YWHAE: variants seen among roughly 807,000 people sequenced by gnomAD.
YWHAE encodes 14-3-3 protein epsilon.
In YWHAE, 4 loss-of-function variants were observed where a neutral mutation model predicts 30.1. The observed-to-expected ratio is 0.13, with a 90% CI of 0.07 to 0.30. The LOEUF is 0.30. Among genes scored for constraint, YWHAE ranks in the 10% least tolerant of loss-of-function variants. The pLI is 1.00. For synonymous variants in YWHAE, 118 were observed against 111.8 expected (o/e 1.06, Z -0.35); for missense variants, 121 against 315.9 (o/e 0.38, Z 4.68).
At chr17:1,356,341 C>T (rs368643886) in intron 4 of YWHAE, among the ~76,000 whole-genome samples, 1 of 152,072 alleles carries the variant, frequency 6.6e-6, no homozygotes, top group Admixed American at 6.6e-5. Context: ...TGCACTCCAG[C>T]CTGGGCAAGA....
At chr17:1,395,539 C>G (rs551820498) in intron 1 of YWHAE, among the ~76,000 whole-genome samples, 2 of 152,090 alleles carry the variant, frequency 1.3e-5, no homozygotes, top group Non-Finnish European at 2.9e-5. Context: ...GGATTTTTAA[C>G]ACTACGTTAC....
chr17:1,345,534 T>A, intron 5 of YWHAE, 35 bp from the exon 6 acceptor site: 2 of 1,606,022 alleles, frequency 1.2e-6, no homozygotes, highest in Middle Eastern at 1.7e-4. Context: ...TTATTTCGTA[T>A]TGACTACATT....
At chr17:1,374,655 T>A (rs970427900) in intron 1 of YWHAE, among the ~76,000 whole-genome samples, 9 of 152,212 alleles carry the variant, frequency 5.9e-5, no homozygotes, top group African/African-American at 2.2e-4. Context: ...CTTTGTGGTT[T>A]TGATTTGCAT....
At chr17:1,363,830 C>T (rs1007035569) in intron 2 of YWHAE, among the ~76,000 whole-genome samples, 2 of 135,896 alleles carry the variant, frequency 1.5e-5, no homozygotes, top group Admixed American at 7.9e-5. Flanking sequence ...CTTCCCTGTT[C>T]TTTCCTGTAT....
chr17:1,345,307 A>G lies in YWHAE; in HGVS notation c.*140T>C, dbSNP rs954155692. ...AACTGTTTAAAAAAAAAAAAAAAAA[A>G]CCAACAGGGCAGGAACCTAAATTCT... is the stretch of plus-strand genomic sequence containing the variant. On this transcript the variant is annotated 3_prime_UTR_variant, in exon 6 of 6. Coordinates refer to ENST00000264335, the MANE Select transcript of YWHAE (RefSeq NM_006761.5). 1 of 791,358 alleles carries G rather than the reference A, an allele frequency of 1.3e-6. No homozygotes were observed. Among genetic ancestry groups the G allele is most frequent in the Non-Finnish European group, 2.0e-6 (1 of 501,718 alleles). 49.0% of individuals were successfully genotyped at this position (791,358 alleles called of 1,614,324 possible).
intron 1 of YWHAE, among the ~76,000 whole-genome samples, chr17:1,379,890 C>A (rs2073178839): frequency 6.6e-6 from 1 of 152,124 alleles, no homozygotes; most frequent in Non-Finnish European, 1.5e-5. Flanking sequence ...GGTGAAAGAA[C>A]CAGAATGCTG....
intron 4 of YWHAE, 132 bp from the exon 5 acceptor site, chr17:1,354,479 C>A: frequency 1.1e-6 from 1 of 904,632 alleles, no homozygotes; most frequent in South Asian, 1.8e-5. Flanking sequence ...AAAGAAAAAG[C>A]AAATACAATA....
intron 1 of YWHAE, among the ~76,000 whole-genome samples, chr17:1,393,907 C>T (rs1004005712): frequency 1.3e-5 from 2 of 152,040 alleles, no homozygotes; most frequent in African/African-American, 4.8e-5. Context: ...TGAAAAAAAC[C>T]ATCAGGTTTC....
intron 4 of YWHAE, among the ~76,000 whole-genome samples, chr17:1,358,009 C>G (rs573816811): frequency 6.6e-6 from 1 of 151,776 alleles, no homozygotes; most frequent in African/African-American, 2.4e-5. Flanking sequence ...GGAGAAAATA[C>G]TCACAAACCA....
At chr17:1,351,848 C>A (rs1051402324) in intron 5 of YWHAE, among the ~76,000 whole-genome samples, 4 of 152,010 alleles carry the variant, frequency 2.6e-5, no homozygotes, top group Admixed American at 6.6e-5. Context: ...TGCAGTGGGG[C>A]GTGATCTCAG....
chr17:1,363,303 C>G (rs1300627724), intron 2 of YWHAE, among the ~76,000 whole-genome samples: 1 of 152,062 alleles, frequency 6.6e-6, no homozygotes, highest in Non-Finnish European at 1.5e-5. Context: ...CTCTTGTTGC[C>G]AAGGCTGGAT....
chr17:1,380,825 T>C (rs138568855), intron 1 of YWHAE, among the ~76,000 whole-genome samples: 2 of 152,292 alleles, frequency 1.3e-5, no homozygotes, highest in Non-Finnish European at 2.9e-5. Flanking sequence ...CCAAAGAACC[T>C]CACTCTCCCA....
Position 1,359,152 on chromosome 17 carries a change from A to G in YWHAE, c.578+1940T>C, listed in dbSNP as rs902108950. Among the ~76,000 whole-genome samples, 35 of 148,588 alleles carry G rather than the reference A, an allele frequency of 2.4e-4. 1 individual carries two copies. Among genetic ancestry groups the G allele is most frequent in the African/African-American group, 8.2e-4 (33 of 40,424 alleles). The stretch of plus-strand genomic sequence containing the variant: ...CTCTCCCTCAAAAAAAAGAAAAAAG[A>G]AAAAAAAAAGGAAAAGAAAAGGCCA... On this transcript the variant is annotated intron_variant, in intron 4 of 5. Coordinates refer to ENST00000264335, the MANE Select transcript of YWHAE (RefSeq NM_006761.5).
At chr17:1,359,904 A>G (rs546238485) in intron 4 of YWHAE, among the ~76,000 whole-genome samples, 9 of 72,500 alleles carry the variant, frequency 1.2e-4, no homozygotes, top group African/African-American at 1.7e-4. Context: ...AGACGGGGAG[A>G]GAGAGGGAGA....
intron 1 of YWHAE, among the ~76,000 whole-genome samples, chr17:1,369,449 G>A (rs905155857): frequency 2.0e-5 from 3 of 152,106 alleles, no homozygotes; most frequent in Admixed American, 1.3e-4. Flanking sequence ...ACCCGAGATG[G>A]CTCCACTGCA....
intron 4 of YWHAE, among the ~76,000 whole-genome samples, chr17:1,358,518 C>T (rs1385150216): frequency 4.7e-5 from 7 of 149,408 alleles, no homozygotes; most frequent in Admixed American, 1.3e-4. Flanking sequence ...GGATTACAGG[C>T]GTGAGCCACT....
intron 5 of YWHAE, among the ~76,000 whole-genome samples, chr17:1,350,711 G>C (rs1400053029): frequency 1.3e-5 from 2 of 151,584 alleles, no homozygotes; most frequent in Non-Finnish European, 2.9e-5. Context: ...CAAACTGCTG[G>C]GATTACAGGC....
chr17:1,365,099 G>C (rs1225255692), intron 1 of YWHAE, 41 bp from the exon 2 acceptor site: 2 of 1,590,612 alleles, frequency 1.3e-6, no homozygotes, highest in African/African-American at 2.7e-5. Flanking sequence ...CAAATTTGAA[G>C]TTTTCTTAAC....
At chr17:1,348,043 A>T (rs1182865375) in intron 5 of YWHAE, 17 of 970,188 alleles carry the variant, frequency 1.8e-5, no homozygotes, top group Non-Finnish European at 2.0e-5. Context: ...GAGAACAATC[A>T]TATGAAAGCA....
Sources: gnomAD v4.1 joint callset for allele counts (sites outside exome capture counted in the v4.1 genomes callset) on GRCh38, gnomAD v4.1.1 for gene constraint, MANE v1.5 for transcripts, NCBI Gene and HGNC (gene_info 2026-07-23, HGNC 2026-07-21) for gene names.